The following ROBO2 variants were observed in gnomAD, a reference collection of about 807,000 sequenced individuals.
ROBO2 encodes roundabout homolog 2.
ROBO2 carries 53 observed loss-of-function variants against 160.8 expected under a neutral mutation model. The observed-to-expected ratio is 0.33, with a 90% confidence interval of 0.26 to 0.41. The LOEUF (loss-of-function observed/expected upper bound fraction) is 0.41, where lower values mean the gene tolerates loss of function less well. Among genes scored for constraint, ROBO2 ranks in the 10% least tolerant of loss-of-function variants. The pLI is 1.00. For missense variants in ROBO2, 1,577 were observed against 1,722.4 expected, an observed-to-expected ratio of 0.92 and a Z score of 1.49; for synonymous variants, 664 against 611.7, an observed-to-expected ratio of 1.09 and a Z score of -1.26.
chr3:76,098,644 A>G (rs564061611), intron 2 of ROBO2, among the ~76,000 whole-genome samples: 1 of 152,272 alleles, frequency 6.6e-6, no homozygotes, highest in South Asian at 2.1e-4. Flanking sequence ...ATAAATTATC[A>G]TTTAAGACAT....
At chr3:76,256,910 A>T (rs2107578500) in intron 2 of ROBO2, among the ~76,000 whole-genome samples, 1 of 152,114 alleles carries the variant, frequency 6.6e-6, no homozygotes, top group Admixed American at 6.6e-5. Context: ...ACATGGTAAG[A>T]AGGGGAGCAA....
chr3:76,070,258 C>G (rs2068401969), intron 2 of ROBO2, among the ~76,000 whole-genome samples: 1 of 152,180 alleles, frequency 6.6e-6, no homozygotes, highest in Non-Finnish European at 1.5e-5. Flanking sequence ...GGAGAAATAT[C>G]ACTGAATTCT....
At chr3:77,487,954 C>T (rs957795819) in intron 4 of ROBO2, among the ~76,000 whole-genome samples, 1 of 152,046 alleles carries the variant, frequency 6.6e-6, no homozygotes, top group Admixed American at 6.6e-5. Context: ...AATTTGTTTG[C>T]TGGGCACTTA....
intron 2 of ROBO2, among the ~76,000 whole-genome samples, chr3:76,603,383 T>G (rs1338827990): frequency 7.4e-6 from 1 of 134,762 alleles, no homozygotes; most frequent in African/African-American, 2.8e-5. Context: ...TATATATATA[T>G]ATATGAGTAG....
At position 77,550,224 on chromosome 3, in the gene ROBO2, C is replaced by T. The variant is rs2092865117; in HGVS notation, c.1060-594C>T. ...CTTTTTATCTTCAGTAATTTGCTTA[C>T]TCTTGCTTAAATTGTAGCATTTGTT... On this transcript the variant is annotated intron_variant, in intron 7 of 25. Transcript: ENST00000461745. 2.0e-5 allele frequency among the ~76,000 whole-genome samples: 3 copies of T among 152,156 alleles called. No individual in the cohort carries two copies. The South Asian group carries it at 6.2e-4, about 32-fold the overall frequency.
At chr3:76,937,087 A>T (rs1241431794) in intron 2 of ROBO2, among the ~76,000 whole-genome samples, 3 of 152,126 alleles carry the variant, frequency 2.0e-5, no homozygotes, top group African/African-American at 7.2e-5. Flanking sequence ...TCTTGCTTGT[A>T]CTTAGTAAAC....
intron 2 of ROBO2, among the ~76,000 whole-genome samples, chr3:76,456,149 C>T (rs2077739088): frequency 6.6e-6 from 1 of 152,144 alleles, no homozygotes; most frequent in South Asian, 2.1e-4. Context: ...TGGACTAGTA[C>T]CTAACAGCAG....
At chr3:76,555,098 G>A (rs1371747270) in intron 2 of ROBO2, among the ~76,000 whole-genome samples, 2 of 151,948 alleles carry the variant, frequency 1.3e-5, no homozygotes, top group Non-Finnish European at 2.9e-5. Context: ...ATCAAGGTCA[G>A]TACTATTAAT....
intron 23 of ROBO2, among the ~76,000 whole-genome samples, chr3:77,626,424 C>A (rs1009867220): frequency 2.0e-5 from 3 of 152,090 alleles, no homozygotes; most frequent in Non-Finnish European, 4.4e-5. Context: ...ATAATGCACA[C>A]CTATTTGATT....
rs913690535 is a variant in ROBO2, at chr3:76,821,580, T to A, written c.110-276434T>A. ...TTCAATTTTCTTTAAAAGGTTGTTA[T>A]GAGGGACTTTAAAGTAAATATTTGT... On this transcript the variant is annotated intron_variant, in intron 2 of 26. Transcript: ENST00000487694. 2.5e-4 allele frequency among the ~76,000 whole-genome samples: 38 copies of A among 152,166 alleles called. No individual in the cohort carries two copies. In the Middle Eastern group the frequency reaches 0.01, roughly 41 times the overall value.
At chr3:75,936,460 T>A (rs76182030) in intron 1 of ROBO2, among the ~76,000 whole-genome samples, 1 of 152,186 alleles carries the variant, frequency 6.6e-6, no homozygotes, top group Non-Finnish European at 1.5e-5. Flanking sequence ...TAAAATTCCA[T>A]CTGCTAACCA....
At chr3:76,782,894 T>A (rs191141108) in intron 2 of ROBO2, among the ~76,000 whole-genome samples, 75 of 151,006 alleles carry the variant, frequency 5.0e-4, no homozygotes, top group Admixed American at 1.6e-3. Context: ...GTTAAAGACT[T>A]ACTATTGCCA....
chr3:75,986,181 C>T (rs2065407772), intron 2 of ROBO2, among the ~76,000 whole-genome samples: 1 of 150,692 alleles, frequency 6.6e-6, no homozygotes, highest in Non-Finnish European at 1.5e-5. Context: ...TTACAGTTTC[C>T]CACATTCTTG....
intron 2 of ROBO2, among the ~76,000 whole-genome samples, chr3:76,444,390 G>A (rs892476139): frequency 5.9e-5 from 9 of 152,060 alleles, no homozygotes; most frequent in African/African-American, 2.2e-4. Context: ...TTTCCAAAAG[G>A]TTTGTATTAG....
At chr3:77,075,890 G>A (rs1012630892) in intron 1 of ROBO2, among the ~76,000 whole-genome samples, 2 of 151,198 alleles carry the variant, frequency 1.3e-5, no homozygotes, top group Non-Finnish European at 3.0e-5. Context: ...GTTGGCCAAG[G>A]TGGTTTCAAA....
At chr3:77,236,052 C>A (rs2087925328) in intron 2 of ROBO2, among the ~76,000 whole-genome samples, 1 of 152,224 alleles carries the variant, frequency 6.6e-6, no homozygotes, top group Admixed American at 6.5e-5. Context: ...ACACAGCCCT[C>A]AGGAGACCCT....
chr3:77,330,942 T>C (rs1560551906), intron 2 of ROBO2, among the ~76,000 whole-genome samples: 1 of 152,198 alleles, frequency 6.6e-6, no homozygotes, highest in Non-Finnish European at 1.5e-5. Context: ...TTGACTTGAT[T>C]CATCCATTTT....
intron 2 of ROBO2, among the ~76,000 whole-genome samples, chr3:76,276,496 T>G (rs575083708): frequency 6.6e-6 from 1 of 152,074 alleles, no homozygotes; most frequent in African/African-American, 2.4e-5. Context: ...CAGTCATTTT[T>G]TTCTTTTGCA....
chr3:77,607,879 C>G (rs1205336258), exon 21 of ROBO2: 1 of 1,614,044 alleles, frequency 6.2e-7, no homozygotes, highest in Admixed American at 1.7e-5. Flanking sequence ...GCCAATGTCC[C>G]TCTACCTCCC....
Sources: gnomAD v4.1 joint callset for allele counts (sites outside exome capture counted in the v4.1 genomes callset) on GRCh38, gnomAD v4.1.1 for gene constraint, MANE v1.5 for transcripts, NCBI Gene and HGNC (gene_info 2026-07-23, HGNC 2026-07-21) for gene names.